The following SPTBN2 variants were observed in gnomAD, a reference collection of about 807,000 sequenced individuals.
SPTBN2 encodes the protein spectrin beta, non-erythrocytic 2.
SPTBN2 carries 107 observed loss-of-function variants against 284.2 expected under a neutral mutation model. The observed-to-expected ratio is 0.38, with a 90% CI of 0.32 to 0.44. SPTBN2 has a LOEUF of 0.44. Among genes scored for constraint, SPTBN2 ranks in the 20% least tolerant of loss-of-function variants. The pLI is 1.00. For missense variants in SPTBN2, 2,569 were observed against 3,287.1 expected (o/e 0.78, Z 5.34); for synonymous variants, 1,289 against 1,354.8 (o/e 0.95, Z 1.07).
At position 66,687,361 on chromosome 11, in the gene SPTBN2, C is replaced by G. The variant is rs1020142116; in HGVS notation, c.6722+66G>C. The G allele has an allele frequency of 3.2e-6, 5 of 1,580,206 alleles. No individual in the cohort carries two copies. In the African/African-American group the frequency reaches 5.4e-5, roughly 17 times the overall value. Reference sequence around the variant, plus strand: ...AGAAGATGTACTCTAAAGGGCATCCCTCCCTCTATCTGGGCAGAGGCTCTG... The same window carrying G: ...AGAAGATGTACTCTAAAGGGCATCCGTCCCTCTATCTGGGCAGAGGCTCTG... On this transcript the variant is annotated intron_variant, in intron 35 of 37. Coordinates refer to ENST00000533211, the MANE Select transcript of SPTBN2 (RefSeq NM_006946.4). This position sits in a 1 kb window ranked among gnomAD's most constrained non-coding sequence, Gnocchi z 5.2.
chr11:66,697,462 C>T (rs998697560), intron 20 of SPTBN2, among the ~76,000 whole-genome samples: 1 of 152,164 alleles, frequency 6.6e-6, no homozygotes, highest in Admixed American at 6.5e-5. Flanking sequence ...CGGGGCTTCT[C>T]TCCCACCTCT....
Position 66,705,202 on chromosome 11 carries a change from CGCTCAT to C in SPTBN2, c.2068_2073del (p.Met690_Ser691del). On this transcript the variant is annotated inframe_deletion, in exon 15 of 38. Coordinates refer to ENST00000533211, the MANE Select transcript of SPTBN2 (RefSeq NM_006946.4). ...GTGAGCTTCAGGGGCCCCAGCCGGC[CGCTCAT>C]CTCGCCCCGCAGGGCTGTGTGCTTG... 1 of 1,537,788 alleles carries C rather than the reference CGCTCAT, an allele frequency of 6.5e-7. No homozygotes were observed. Among genetic ancestry groups the C allele is most frequent in the Middle Eastern group, 1.7e-4 (1 of 5,922 alleles).
At position 66,699,066 on chromosome 11, in the gene SPTBN2, C is replaced by T. The variant is rs1941098589; in HGVS notation, c.3793G>A (p.Asp1265Asn). The T allele has an allele frequency of 6.2e-7, 1 of 1,614,108 alleles. No homozygotes were observed. Among genetic ancestry groups the T allele is most frequent in the Non-Finnish European group, 8.5e-7 (1 of 1,180,044 alleles). Residue 1265 changes from aspartate to asparagine, a missense_variant, in exon 19 of 38, where the codon GAC becomes AAC. Coordinates refer to ENST00000533211, the MANE Select transcript of SPTBN2 (RefSeq NM_006946.4). The stretch of plus-strand genomic sequence containing the variant: ...CGGCCCAGAAATTGCTGCGCTGCGT[C>T]TTGATTCTTCTTGTGCCTGGAACGA... ...SIERRHKKNQ[D>N]AAQQFLGRLR...
intron 20 of SPTBN2, among the ~76,000 whole-genome samples, chr11:66,697,008 G>A (rs1940955500): frequency 1.3e-5 from 2 of 152,108 alleles, no homozygotes; most frequent in Non-Finnish European, 1.5e-5. Flanking sequence ...CTTGAACTGT[G>A]TGGAAGGCAA....
Position 66,684,410 on chromosome 11 carries a change from A to C in SPTBN2, c.*1461T>G, listed in dbSNP as rs934185750. Among the ~76,000 whole-genome samples, 1 of 152,138 alleles carries C rather than the reference A, an allele frequency of 6.6e-6. No homozygotes were observed. Among genetic ancestry groups the C allele is most frequent in the African/African-American group, 2.4e-5 (1 of 41,420 alleles). Reference sequence around the variant, plus strand: ...CAACAGTTTGAGGCCAAGGTGAGAGAATCACTTGGGCCCAGGAATTCGAGA... The same window carrying C: ...CAACAGTTTGAGGCCAAGGTGAGAGCATCACTTGGGCCCAGGAATTCGAGA... On this transcript the variant is annotated 3_prime_UTR_variant, in exon 38 of 38. Coordinates refer to ENST00000533211, the MANE Select transcript of SPTBN2 (RefSeq NM_006946.4).
rs769987150 is a variant in SPTBN2, at chr11:66,705,361, C to T, written c.1915G>A (p.Glu639Lys). The change falls in exon 15 of 38, where the codon GAA becomes AAA. Residue 639 changes from glutamate to lysine, a missense_variant. This residue lies in a region of SPTBN2 where 1,012 missense variants were observed against 1,248.9 expected (regional missense o/e 0.81). Coordinates refer to ENST00000533211, the MANE Select transcript of SPTBN2 (RefSeq NM_006946.4). Reference sequence around the variant, plus strand: ...AGGAAACGCCAGAGCCGCCGTGATTCCTCCAGCCGGGCCCGCCGCGCCGCT... The same window carrying T: ...AGGAAACGCCAGAGCCGCCGTGATTTCTCCAGCCGGGCCCGCCGCGCCGCT... Reference protein sequence around the residue: ...LAAARRARLEESRRLWRFLWE... With the variant: ...LAAARRARLEKSRRLWRFLWE... 1.9e-6 allele frequency: 3 copies of T among 1,612,174 alleles called. No homozygotes were observed. The highest frequency in any genetic ancestry group is 1.1e-5 in the South Asian group (1 of 91,074).
At chr11:66,732,187 T>C (rs941552257), upstream of SPTBN2, among the ~76,000 whole-genome samples, 3 of 152,144 alleles carry the variant, frequency 2.0e-5, no homozygotes, top group East Asian at 1.9e-4. Context: ...ATTTCACAGA[T>C]GAGGAAATGG....
intron 21 of SPTBN2, among the ~76,000 whole-genome samples, chr11:66,696,064 CTCA>C (rs1017167302): frequency 9.9e-5 from 15 of 152,236 alleles, no homozygotes; most frequent in African/African-American, 2.9e-4. Context: ...TACTGAAGTT[CTCA>C]TCGTCAAATT....
upstream of SPTBN2, among the ~76,000 whole-genome samples, chr11:66,731,778 A>T (rs1311633320): frequency 6.6e-6 from 1 of 152,224 alleles, no homozygotes; most frequent in Non-Finnish European, 1.5e-5. Flanking sequence ...GCCCCTGCTC[A>T]ATCAAATATT....
chr11:66,705,091 A>G lies in SPTBN2; in HGVS notation c.2185T>C (p.Trp729Arg). The G allele has an allele frequency of 6.4e-7, 1 of 1,570,188 alleles. No individual in the cohort carries two copies. Residue 729 changes from tryptophan to arginine, a missense_variant, in exon 15 of 38, where the codon TGG becomes CGG. Transcript: ENST00000533211. Reference sequence around the variant, plus strand: ...TCGGCCAGGGCCTCTAGCCGCTCCCACTGGGCTTGGAGTTCAGCTGCACGG... The same window carrying G: ...TCGGCCAGGGCCTCTAGCCGCTCCCGCTGGGCTTGGAGTTCAGCTGCACGG... Reference protein sequence around the residue: ...SARAAELQAQWERLEALAEER... With the variant: ...SARAAELQAQRERLEALAEER...
At position 66,710,324 on chromosome 11, in the gene SPTBN2, T is replaced by A. The variant is rs1460113874; in HGVS notation, c.1073+258A>T. The stretch of plus-strand genomic sequence containing the variant: ...ATGTTGGCCAGACTGGTCTCGGTGA[T>A]GCGCCCGCCTTGGCCTCCCAAAGTG... On this transcript the variant is annotated intron_variant, in intron 10 of 37. Coordinates refer to ENST00000533211, the MANE Select transcript of SPTBN2 (RefSeq NM_006946.4). The surrounding 1 kb of genome is among the most constrained non-coding windows in gnomAD (Gnocchi z 4.9). Among the ~76,000 whole-genome samples, 3 of 152,042 alleles carry A rather than the reference T, an allele frequency of 2.0e-5. No individual in the cohort carries two copies. Among genetic ancestry groups the A allele is most frequent in the African/African-American group, 7.2e-5 (3 of 41,392 alleles).
At position 66,715,850 on chromosome 11, in the gene SPTBN2, C is replaced by T. The variant is rs1401862278; in HGVS notation, c.289G>A (p.Val97Met). ...CTCACCAGTATCTCTCCCGAGAGCA[C>T]CTCGAGGAGCCTCAGCAGGTTGCGT... Reference protein sequence around the residue: ...DGRNLLRLLEVLSGEILPKPT... With the variant: ...DGRNLLRLLEMLSGEILPKPT... The change falls in exon 4 of 38, where the codon GTG (valine) becomes ATG (methionine). Residue 97 changes from valine (V) to methionine (M), a missense_variant. Physicochemically the swap from Val to Met is conservative, Grantham distance 21. This residue lies in a region of SPTBN2 where 304 missense variants were observed against 522.1 expected (regional missense o/e 0.58). Transcript: ENST00000533211. This position sits in a 1 kb window ranked among gnomAD's most constrained non-coding sequence, Gnocchi z 5.3. 1 of 1,614,042 alleles carries T rather than the reference C, an allele frequency of 6.2e-7. No individual in the cohort carries two copies. The highest frequency in any genetic ancestry group is 1.1e-5 in the South Asian group (1 of 91,052).
rs936410398 is a variant in SPTBN2, at chr11:66,686,501, G to A, written c.6897-61C>T. The stretch of plus-strand genomic sequence containing the variant: ...AATCCGGATCTGCCAGGTAGCTGCT[G>A]GTGAGAGCGTAATCATGACCCAACA... On this transcript the variant is annotated intron_variant, in intron 36 of 37. Coordinates refer to ENST00000533211, the MANE Select transcript of SPTBN2 (RefSeq NM_006946.4). 6 of 1,590,914 alleles carry A rather than the reference G, an allele frequency of 3.8e-6. No individual in the cohort carries two copies. In the African/African-American group the frequency reaches 6.7e-5, roughly 18 times the overall value.
In SPTBN2 at chr11:66,700,434, G is replaced by C; in HGVS notation, c.3573+92C>G. 1.9e-6 allele frequency: 3 copies of C among 1,566,986 alleles called. No homozygotes were observed. The highest frequency in any genetic ancestry group is 2.6e-6 in the Non-Finnish European group (3 of 1,154,688). On this transcript the variant is annotated intron_variant, in intron 17 of 37. Coordinates refer to ENST00000533211, the MANE Select transcript of SPTBN2 (RefSeq NM_006946.4). This position sits in a 1 kb window ranked among gnomAD's most constrained non-coding sequence, Gnocchi z 6.6. ...ACCACTGCGCTGCCCCATTTTGCTA[G>C]CATGTCCTTCCTGCCCATCCTGCTC... is the stretch of plus-strand genomic sequence containing the variant.
chr11:66,689,431 G>A (rs1331803428), intron 29 of SPTBN2: 10 of 534,474 alleles, frequency 1.9e-5, no homozygotes, highest in East Asian at 3.4e-5. Flanking sequence ...CCGCCACCAC[G>A]CCCGGCTAAT....
chr11:66,707,444 G>A lies in SPTBN2; in HGVS notation c.1653+72C>T, dbSNP rs569511308. On this transcript the variant is annotated intron_variant, in intron 13 of 37. Transcript: ENST00000533211. This position sits in a 1 kb window ranked among gnomAD's most constrained non-coding sequence, Gnocchi z 4.9. ...CCACAGAGATCGGCCGAGCAGACGG[G>A]CGGACGCACCCACTGTGGGGCCCCC... The A allele has an allele frequency of 1.3e-6, 2 of 1,490,102 alleles. No homozygotes were observed. The highest frequency in any genetic ancestry group is 1.2e-5 in the South Asian group (1 of 82,064). The allele number at this position is 1,490,102 out of a possible 1,614,324, so 92.3% of individuals were successfully genotyped here. A position where few individuals can be genotyped will look rare whatever the true frequency, so the allele number is the denominator to read the frequency against.
rs372090276 is a variant in SPTBN2 at position 66,715,999 on chromosome 11, G to T, written c.158-18C>A. 3.5e-5 allele frequency: 56 copies of T among 1,613,438 alleles called. No individual in the cohort carries two copies. The highest frequency in any genetic ancestry group is 3.6e-5 in the Non-Finnish European group (43 of 1,179,966). The stretch of plus-strand genomic sequence containing the variant: ...TCGTTCATCTGTGGTGGCAACATGG[G>T]TTTATTTCTGTCCCTCGAGTTCAGT... On this transcript the variant is annotated intron_variant, in intron 3 of 37. Coordinates refer to ENST00000533211, the MANE Select transcript of SPTBN2 (RefSeq NM_006946.4). The surrounding 1 kb of genome is among the most constrained non-coding windows in gnomAD (Gnocchi z 5.3).
In SPTBN2 at chr11:66,702,888, A is replaced by G. The variant is rs545710740; in HGVS notation, c.2679-1167T>C. 2.2e-4 allele frequency among the ~76,000 whole-genome samples: 30 copies of G among 138,454 alleles called. No individual in the cohort carries two copies. In the Admixed American group the frequency reaches 2.4e-3, roughly 11 times the overall value. 90.8% of individuals were successfully genotyped at this position (138,454 alleles called of 152,430 possible). On this transcript the variant is annotated intron_variant, in intron 15 of 37. Transcript: ENST00000533211. ...GGGCGGCGGAGCTTGCAGTGAGCCAAGATTGTGCCACTGCACTCCAGCCTG... is the reference window on the plus strand; with the variant it reads ...GGGCGGCGGAGCTTGCAGTGAGCCAGGATTGTGCCACTGCACTCCAGCCTG...
At chr11:66,720,265 G>A (rs1168772961) in intron 3 of SPTBN2, among the ~76,000 whole-genome samples, 2 of 152,170 alleles carry the variant, frequency 1.3e-5, no homozygotes, top group Admixed American at 1.3e-4. Flanking sequence ...GACTGGGTTG[G>A]GTTGGGCTGG....
Sources: allele counts gnomAD v4.1 joint callset (sites outside exome capture counted in the v4.1 genomes callset), GRCh38; gene constraint gnomAD v4.1.1; regional missense constraint gnomAD v4.1.1; non-coding constraint Gnocchi (gnomAD v3.1); transcripts MANE v1.5; gene names NCBI Gene and HGNC (gene_info 2026-07-23, HGNC 2026-07-21).